ARNT2: variants seen among roughly 807,000 people sequenced by gnomAD.
ARNT2 encodes the protein aryl hydrocarbon receptor nuclear translocator 2.
In ARNT2, 36 loss-of-function variants were observed where a neutral mutation model predicts 91.7. That is an observed-to-expected ratio of 0.39 (90% CI 0.30 to 0.52). The LOEUF is 0.52. Ranked by LOEUF, ARNT2 falls within the 20% of genes least tolerant of loss-of-function variation. The pLI is 0.72. For synonymous variants in ARNT2, 365 were observed against 347.1 expected (o/e 1.05, Z -0.57); for missense variants, 775 against 939.3 (o/e 0.83, Z 2.29).
intron 5 of ARNT2, among the ~76,000 whole-genome samples, chr15:80,498,736 T>C (rs773873538): frequency 7.2e-5 from 11 of 152,218 alleles, no homozygotes; most frequent in Middle Eastern, 3.4e-3. Flanking sequence ...TACACAAAAA[T>C]AAAAATAAAA....
At position 80,563,246 on chromosome 15, in the gene ARNT2, A is replaced by T. The variant is rs367632725; in HGVS notation, c.1316+7A>T. 6.2e-7 allele frequency: 1 copy of T among 1,614,106 alleles called. No homozygotes were observed. Among genetic ancestry groups the T allele is most frequent in the Non-Finnish European group, 8.5e-7 (1 of 1,179,964 alleles). On this transcript the variant is annotated splice_region_variant and intron_variant, in intron 12 of 18. Coordinates refer to ENST00000303329, the MANE Select transcript of ARNT2 (RefSeq NM_014862.4). ...GCACCAACACCAACGTCAAGTACGT[A>T]CACTGCCATTTCCCTCTCCTGGAAT...
At position 80,580,543 on chromosome 15, in the gene ARNT2, G is replaced by A. The variant is rs762463379; in HGVS notation, c.1746G>A (p.Pro582=). 84 of 1,613,824 alleles carry A rather than the reference G, an allele frequency of 5.2e-5. 1 individual carries two copies. Among genetic ancestry groups the A allele is most frequent in the Non-Finnish European group, 6.0e-5 (71 of 1,180,004 alleles). ...GGACAGGGAGTCGTCCGCCCTTTCCGGGACAGGTATGGGCATCTGTGAGGG... is the reference window on the plus strand; with the variant it reads ...GGACAGGGAGTCGTCCGCCCTTTCCAGGACAGGTATGGGCATCTGTGAGGG... ...VAWTGSRPPF[P]GQQIPSQSSK... The change falls in exon 16 of 19, where the codon CCG becomes CCA. Residue 582 remains proline, a synonymous_variant. Transcript: ENST00000303329.
rs1898155024 is a variant in ARNT2, at chr15:80,555,080, G to A, written c.1105G>A (p.Asp369Asn). 6.2e-7 allele frequency: 1 copy of A among 1,614,066 alleles called. No homozygotes were observed. The highest frequency in any genetic ancestry group is 1.3e-5 in the African/African-American group (1 of 74,936). ...GYQPQDLLGK[D>N]ILEFCHPEDQ... ...TTTTATTTAGGATCTTCTGGGAAAG[G>A]ACATTTTGGAATTCTGCCACCCTGA... is the stretch of plus-strand genomic sequence containing the variant. Residue 369 changes from aspartate to asparagine, a missense_variant, in exon 11 of 19, where the codon GAC becomes AAC. Transcript: ENST00000303329.
In ARNT2 at chr15:80,563,560, T is replaced by C. The variant is rs4778814; in HGVS notation, c.1316+321T>C. 4.8e-3 allele frequency among the ~76,000 whole-genome samples: 734 copies of C among 152,344 alleles called. 12 individuals are homozygous for C. Among genetic ancestry groups the C allele is most frequent in the East Asian group, 0.031 (159 of 5,182 alleles). The stretch of plus-strand genomic sequence containing the variant: ...GGACCTCAGCCAACTGGAGCTCTGC[T>C]GGGCCCCGCCTTGTTGCTCCCTGTT... On this transcript the variant is annotated intron_variant, in intron 12 of 18. Coordinates refer to ENST00000303329, the MANE Select transcript of ARNT2 (RefSeq NM_014862.4).
At chr15:80,423,077 G>A (rs1185156665) in intron 1 of ARNT2, among the ~76,000 whole-genome samples, 1 of 152,164 alleles carries the variant, frequency 6.6e-6, no homozygotes, top group Non-Finnish European at 1.5e-5. Context: ...CTGTCACTTA[G>A]CTGTGTGACT....
At chr15:80,509,668 G>A (rs2141425207) in intron 6 of ARNT2, among the ~76,000 whole-genome samples, 1 of 152,136 alleles carries the variant, frequency 6.6e-6, no homozygotes, top group African/African-American at 2.4e-5. Flanking sequence ...GGGTGGGAGG[G>A]GAAGACATCA....
intron 4 of ARNT2, 39 bp from the exon 5 acceptor site, chr15:80,474,971 T>C (rs771219834): frequency 1.2e-5 from 19 of 1,597,782 alleles, no homozygotes; most frequent in Non-Finnish European, 1.6e-5. Context: ...ATCCTGGGTC[T>C]GTCAGTGTAT....
intron 1 of ARNT2, among the ~76,000 whole-genome samples, chr15:80,425,193 T>A (rs758422915): frequency 3.3e-5 from 5 of 152,216 alleles, no homozygotes; most frequent in Non-Finnish European, 7.3e-5. Flanking sequence ...TATCTCCGAG[T>A]AGCTCACAAC....
At chr15:80,444,435 GGT>G (rs1467890329) in intron 1 of ARNT2, 59 of 151,578 alleles carry the variant, frequency 3.9e-4, no homozygotes, top group African/African-American at 1.4e-3. Context: ...GTGTGTTTAT[GGT>G]GTGTGTGTGG....
intron 8 of ARNT2, among the ~76,000 whole-genome samples, chr15:80,531,623 T>C (rs770469125): frequency 1.8e-4 from 28 of 152,236 alleles, no homozygotes; most frequent in Non-Finnish European, 3.2e-4. Flanking sequence ...TTCTCCGTTA[T>C]AACACCAACC....
At chr15:80,540,858 C>T (rs939339496) in intron 8 of ARNT2, among the ~76,000 whole-genome samples, 1 of 152,028 alleles carries the variant, frequency 6.6e-6, no homozygotes, top group African/African-American at 2.4e-5. Context: ...TAGTATTCCA[C>T]GGTGTATATG....
chr15:80,476,305 A>G (rs1477429879), intron 5 of ARNT2, among the ~76,000 whole-genome samples: 1 of 152,196 alleles, frequency 6.6e-6, no homozygotes, highest in Non-Finnish European at 1.5e-5. Flanking sequence ...TGTCTGAGGT[A>G]TGTGAATTTT....
Position 80,539,877 on chromosome 15 carries a change from A to C in ARNT2, c.878-11322A>C, listed in dbSNP as rs534718724. ...GATGGCTATTATCAAAAAGACAAAA[A>C]ATATTAATAATAAATGTTGGCAAGG... On this transcript the variant is annotated intron_variant, in intron 8 of 18. Transcript: ENST00000303329. Among the ~76,000 whole-genome samples the C allele has an allele frequency of 5.3e-5, 8 of 151,854 alleles. No individual in the cohort carries two copies. In the East Asian group the frequency reaches 1.5e-3, roughly 29 times the overall value.
rs547941008 is a variant in ARNT2 at position 80,564,171 on chromosome 15, C to T, written c.1316+932C>T. 2.0e-5 allele frequency among the ~76,000 whole-genome samples: 3 copies of T among 152,286 alleles called. No homozygotes were observed. The East Asian group carries it at 5.8e-4, about 29-fold the overall frequency. On this transcript the variant is annotated intron_variant, in intron 12 of 18. Transcript: ENST00000303329. ...CATGTCTCACCATCGTAGTCAGTGG[C>T]ACCAGCATCCATCATTTTCCCCAGT...
chr15:80,409,887 A>G (rs778816317), intron 1 of ARNT2, among the ~76,000 whole-genome samples: 7 of 152,146 alleles, frequency 4.6e-5, no homozygotes, highest in Non-Finnish European at 7.3e-5. Flanking sequence ...AAAGGCCCTG[A>G]GTTGGGAAGA....
chr15:80,504,448 G>A (rs1897243462), intron 5 of ARNT2, among the ~76,000 whole-genome samples: 1 of 152,184 alleles, frequency 6.6e-6, no homozygotes, highest in Non-Finnish European at 1.5e-5. Flanking sequence ...TGATGGCTGA[G>A]GTGACACCTT....
At chr15:80,455,970 C>T (rs1257922192) in intron 2 of ARNT2, among the ~76,000 whole-genome samples, 2 of 152,166 alleles carry the variant, frequency 1.3e-5, no homozygotes. Flanking sequence ...CAAAATCGCT[C>T]TTCCCCATGG....
In ARNT2 at chr15:80,475,123, C is replaced by G; in HGVS notation, c.522C>G (p.Pro174=). Residue 174 remains proline (P), a synonymous_variant, in exon 5 of 19, where the codon CCC becomes CCG. Transcript: ENST00000303329. ...SDSVTPVLNQ[P]QSEWFGSTLY... Reference sequence around the variant, plus strand: ...CCGTCACCCCTGTTCTGAACCAGCCCCAGTCAGAGTGGTTTGGGAGCACAC... The same window carrying G: ...CCGTCACCCCTGTTCTGAACCAGCCGCAGTCAGAGTGGTTTGGGAGCACAC... 6.2e-7 allele frequency: 1 copy of G among 1,614,138 alleles called. No homozygotes were observed.
At chr15:80,499,081 G>A (rs983247937) in intron 5 of ARNT2, among the ~76,000 whole-genome samples, 2 of 152,322 alleles carry the variant, frequency 1.3e-5, no homozygotes, top group Non-Finnish European at 2.9e-5. Context: ...AGAGGAGGGG[G>A]CATTGCCCAC....
Sources: gnomAD v4.1 joint callset for allele counts (sites outside exome capture counted in the v4.1 genomes callset) on GRCh38, gnomAD v4.1.1 for gene constraint, MANE v1.5 for transcripts, NCBI Gene and HGNC (gene_info 2026-07-23, HGNC 2026-07-21) for gene names.